Variants in ANO10 observed in about 807,000 individuals in gnomAD.
ANO10 encodes anoctamin 10.
Under a neutral mutation model 74.7 loss-of-function variants are expected in ANO10, and 77 were observed. The ratio of observed to expected loss-of-function variants is 1.03; its 90% CI spans 0.86 to 1.25. The LOEUF (loss-of-function observed/expected upper bound fraction) is 1.25, where lower values mean the gene tolerates loss of function less well. ANO10 is among the 50% of genes most tolerant of loss of function. The pLI, the probability that ANO10 is intolerant of heterozygous loss-of-function variation, is 0.00. For synonymous variants in ANO10, 279 were observed against 284.9 expected (o/e 0.98, Z 0.21); for missense variants, 721 against 778.1 (o/e 0.93, Z 0.87).
chr3:43,392,067 T>TCA (rs2092286052), intron 12 of ANO10, among the ~76,000 whole-genome samples: 1 of 152,152 alleles, frequency 6.6e-6, no homozygotes, highest in Admixed American at 6.5e-5. Flanking sequence ...TAATAAAGTA[T>TCA]CACAGGGTCC....
At chr3:43,669,213 G>A (rs1314521619) in intron 1 of ANO10, among the ~76,000 whole-genome samples, 1 of 152,086 alleles carries the variant, frequency 6.6e-6, no homozygotes, top group East Asian at 1.9e-4. Flanking sequence ...ATTAGGCTCT[G>A]ATAAAATAGT....
At chr3:43,606,527 T>C (rs2082572587) in intron 1 of ANO10, among the ~76,000 whole-genome samples, 1 of 151,990 alleles carries the variant, frequency 6.6e-6, no homozygotes, top group African/African-American at 2.4e-5. Context: ...GGAGGCCAGT[T>C]AGGGGGCCAT....
intron 1 of ANO10, chr3:43,638,821 T>C (rs931890191): frequency 1.3e-5 from 2 of 152,204 alleles, no homozygotes; most frequent in African/African-American, 4.8e-5. Context: ...CTCCCAGATA[T>C]AGCAGCCTAA....
chr3:43,554,183 TTTC>T (rs2079620325), intron 10 of ANO10, among the ~76,000 whole-genome samples: 1 of 150,414 alleles, frequency 6.6e-6, no homozygotes, highest in South Asian at 2.1e-4. Context: ...ATGAGTGATT[TTTC>T]TTTTTTTTTT....
intron 1 of ANO10, among the ~76,000 whole-genome samples, chr3:43,648,622 C>T (rs1024790494): frequency 1.3e-5 from 2 of 149,212 alleles, no homozygotes; most frequent in Admixed American, 1.3e-4. Flanking sequence ...TGAGGGTGAT[C>T]GATCGGAGGT....
chr3:43,463,765 T>G (rs1178943120), intron 11 of ANO10, among the ~76,000 whole-genome samples: 1 of 152,138 alleles, frequency 6.6e-6, no homozygotes, highest in Non-Finnish European at 1.5e-5. Context: ...AGCTAAGACT[T>G]TAGGGGACTG....
At chr3:43,472,978 T>C (rs568559925) in intron 11 of ANO10, among the ~76,000 whole-genome samples, 139 of 152,202 alleles carry the variant, frequency 9.1e-4, no homozygotes, top group Non-Finnish European at 1.9e-3. Flanking sequence ...AAATGATAAA[T>C]ATGAATGACA....
At chr3:43,608,944 A>G (rs2082686285) in intron 1 of ANO10, among the ~76,000 whole-genome samples, 1 of 152,168 alleles carries the variant, frequency 6.6e-6, no homozygotes, top group Non-Finnish European at 1.5e-5. Flanking sequence ...GCAATCTTAT[A>G]TTTAGTGAAC....
intron 11 of ANO10, among the ~76,000 whole-genome samples, chr3:43,506,006 C>T (rs529385276): frequency 5.1e-4 from 77 of 152,018 alleles, no homozygotes; most frequent in African/African-American, 1.8e-3. Flanking sequence ...CCCCAAATTC[C>T]GATGATGAAT....
chr3:43,574,811 C>G lies in ANO10; in HGVS notation c.1216G>C (p.Val406Leu). The G allele has an allele frequency of 6.2e-7, 1 of 1,613,606 alleles. No individual in the cohort carries two copies. The highest frequency in any genetic ancestry group is 8.5e-7 in the Non-Finnish European group (1 of 1,179,590). Residue 406 changes from valine to leucine, a missense_variant and splice_region_variant, in exon 7 of 13, where the codon GTG (valine) becomes CTG (leucine). Transcript: ENST00000292246. ...YQNHLILKVL[V>L]FNFLNCFASL... ...TTGTACATAAACGCTGTACTTACCA[C>G]TAAAACTTTCAGAATTAGATGGTTC...
chr3:43,467,981 TG>T (rs1357242449), intron 11 of ANO10, among the ~76,000 whole-genome samples: 1 of 152,264 alleles, frequency 6.6e-6, no homozygotes, highest in East Asian at 1.9e-4. Flanking sequence ...ATCACAGTGA[TG>T]GAGTTCTTAG....
At chr3:43,645,207 C>T (rs1032387410) in intron 1 of ANO10, among the ~76,000 whole-genome samples, 6 of 152,104 alleles carry the variant, frequency 3.9e-5, no homozygotes, top group African/African-American at 1.4e-4. Context: ...CTTCAGAAAG[C>T]AAACGCATCT....
intron 1 of ANO10, among the ~76,000 whole-genome samples, chr3:43,676,850 T>A (rs1054770890): frequency 3.5e-4 from 53 of 152,072 alleles, no homozygotes; most frequent in Non-Finnish European, 6.0e-4. Context: ...TTTTTTTTTT[T>A]ACTTCCCGCT....
chr3:43,575,168 G>A (rs967062260), intron 6 of ANO10, among the ~76,000 whole-genome samples: 3 of 152,018 alleles, frequency 2.0e-5, no homozygotes, highest in Non-Finnish European at 4.4e-5. Context: ...TGTATAAGAA[G>A]TAATAGTGAA....
intron 1 of ANO10, among the ~76,000 whole-genome samples, chr3:43,668,433 G>A (rs2084018426): frequency 6.6e-6 from 1 of 151,966 alleles, no homozygotes; most frequent in African/African-American, 2.4e-5. Flanking sequence ...AGTCTAATTA[G>A]GTTCCATTTT....
At chr3:43,386,137 T>C (rs1186133994) in intron 12 of ANO10, among the ~76,000 whole-genome samples, 2 of 152,114 alleles carry the variant, frequency 1.3e-5, no homozygotes, top group Non-Finnish European at 2.9e-5. Context: ...TCTGAGGAAG[T>C]TGTGATTTCA....
chr3:43,662,473 A>T (rs1195519760), intron 1 of ANO10, among the ~76,000 whole-genome samples: 3 of 152,172 alleles, frequency 2.0e-5, no homozygotes, highest in African/African-American at 7.2e-5. Context: ...ATCTAAAATC[A>T]ACACCCTAAC....
intron 12 of ANO10, among the ~76,000 whole-genome samples, chr3:43,413,866 CCA>C (rs994975334): frequency 6.6e-6 from 1 of 151,718 alleles, no homozygotes; most frequent in Non-Finnish European, 1.5e-5. Flanking sequence ...ACAGGCCCCA[CCA>C]CAGTCAGCTG....
chr3:43,604,532 G>A (rs566032689), intron 2 of ANO10, among the ~76,000 whole-genome samples: 5 of 150,972 alleles, frequency 3.3e-5, no homozygotes, highest in South Asian at 2.1e-4. Context: ...ATGTGACTTC[G>A]GTCTTTTATA....
Sources: gnomAD v4.1 joint callset for allele counts (sites outside exome capture counted in the v4.1 genomes callset) on GRCh38, gnomAD v4.1.1 for gene constraint, MANE v1.5 for transcripts, NCBI Gene and HGNC (gene_info 2026-07-23, HGNC 2026-07-21) for gene names.